The following BDP1 variants were observed in gnomAD, a reference collection of about 807,000 sequenced individuals.
BDP1 encodes transcription factor TFIIIB component B'' homolog.
BDP1 carries 169 observed loss-of-function variants against 266.6 expected under a neutral mutation model. The ratio of observed to expected loss-of-function variants is 0.63; its 90% CI spans 0.56 to 0.72. The LOEUF is 0.72. BDP1 is among the 30% of genes least tolerant of loss of function. BDP1 has a pLI of 0.00. For synonymous variants in BDP1, 1,090 were observed against 1,022.4 expected (o/e 1.07, Z -1.26); for missense variants, 3,015 against 3,053.8 (o/e 0.99, Z 0.30).
Position 71,510,428 on chromosome 5 carries a change from T to C in BDP1, c.3336T>C (p.Gly1112=). The change falls in exon 17 of 39, where the codon GGT becomes GGC. Residue 1112 remains glycine, a synonymous_variant. Transcript: ENST00000358731. ...ENGLEEVKPL[G]EMQTDLKATG... is the part of the protein sequence containing the mutation. ...GCCTAGAGGAGGTTAAGCCTCTAGG[T>C]GAAATGCAAACAGATTTGAAAGCAA... 1 of 1,612,686 alleles carries C rather than the reference T, an allele frequency of 6.2e-7. No homozygotes were observed. The highest frequency in any genetic ancestry group is 8.5e-7 in the Non-Finnish European group (1 of 1,179,750).
chr5:71,573,425 A>T, the BDP1 span, among the ~76,000 whole-genome samples: 1 of 152,150 alleles, frequency 6.6e-6, no homozygotes. Context: ...TCCTATTTCC[A>T]TAAGACCTGA....
chr5:71,496,730 G>A (rs1384028348), intron 12 of BDP1, among the ~76,000 whole-genome samples: 4 of 152,242 alleles, frequency 2.6e-5, no homozygotes, highest in African/African-American at 9.6e-5. Context: ...CTACAGGCAC[G>A]TGCCGCCATG....
intron 32 of BDP1, 114 bp downstream of exon 32, chr5:71,545,333 A>G (rs1742204760): frequency 5.8e-6 from 6 of 1,038,948 alleles, no homozygotes; most frequent in Non-Finnish European, 8.4e-6. Flanking sequence ...ATTTTTCTTT[A>G]TTTCTTCTTT....
At chr5:71,499,978 T>C (rs567116523) in intron 13 of BDP1, among the ~76,000 whole-genome samples, 82 of 152,318 alleles carry the variant, frequency 5.4e-4, no homozygotes, top group African/African-American at 1.9e-3. Flanking sequence ...CTGGTATGTC[T>C]GAGTCTCCTG....
In BDP1 at chr5:71,491,151, T is replaced by A. The variant is rs768408990; in HGVS notation, c.1640+20T>A. On this transcript the variant is annotated intron_variant, in intron 11 of 38. Coordinates refer to ENST00000358731, the MANE Select transcript of BDP1 (RefSeq NM_018429.3). ...ATTAAGGTATTTTCTGTGTCTTTTC[T>A]GGTTTTATCCACATCTGTTGATTAC... The A allele has an allele frequency of 6.2e-7, 1 of 1,611,388 alleles. No individual in the cohort carries two copies. Among genetic ancestry groups the A allele is most frequent in the African/African-American group, 1.3e-5 (1 of 74,868 alleles).
At chr5:71,563,682 G>A (rs1484246879) in intron 38 of BDP1, among the ~76,000 whole-genome samples, 3 of 152,220 alleles carry the variant, frequency 2.0e-5, no homozygotes, top group African/African-American at 7.2e-5. Flanking sequence ...GGAGGCCAAG[G>A]CGGGCAGATC....
chr5:71,565,011 TAATG>T lies in BDP1; in HGVS notation c.*128_*131del. 1.2e-6 allele frequency: 1 copy of T among 830,692 alleles called. No homozygotes were observed. Among genetic ancestry groups the T allele is most frequent in the Non-Finnish European group, 1.8e-6 (1 of 548,208 alleles). The allele number at this position is 830,692 out of a possible 1,614,324, so 51.5% of individuals were successfully genotyped here. ...TTTCTTTAGGTTGATTTTGAATACT[TAATG>T]AGCTTGATTTGAAGCTTTTATAATC... On this transcript the variant is annotated 3_prime_UTR_variant, in exon 39 of 39. Coordinates refer to ENST00000358731, the MANE Select transcript of BDP1 (RefSeq NM_018429.3).
In BDP1 at chr5:71,542,154, G is replaced by A. The variant is rs201347130; in HGVS notation, c.6301G>A (p.Ala2101Thr). ...TAATTTGAGAATAAGAAGTAGGCTTGCTAAGCCTAAACCAAATCTTGAGAA... is the reference window on the plus strand; with the variant it reads ...TAATTTGAGAATAAGAAGTAGGCTTACTAAGCCTAAACCAAATCTTGAGAA... The part of the protein sequence containing the change: ...TSNLRIRSRL[A>T]KPKPNLEKTL... Residue 2101 changes from alanine (A) to threonine (T), a missense_variant, in exon 30 of 39, where the codon GCT (alanine) becomes ACT (threonine). Around this residue, in one of 3 missense-constraint regions of BDP1, gnomAD observed 629 missense variants for 632.5 expected, o/e 0.99. Coordinates refer to ENST00000358731, the MANE Select transcript of BDP1 (RefSeq NM_018429.3). The A allele has an allele frequency of 3.6e-5, 58 of 1,611,708 alleles. No individual in the cohort carries two copies. The East Asian group carries it at 1.3e-3, about 36-fold the overall frequency.
chr5:71,491,077 G>A lies in BDP1; in HGVS notation c.1586G>A (p.Gly529Asp). The A allele has an allele frequency of 5.6e-6, 9 of 1,614,050 alleles. No homozygotes were observed. The highest frequency in any genetic ancestry group is 2.2e-5 in the East Asian group (1 of 44,858). Reference sequence around the variant, plus strand: ...ACACAAAACATAGATGGCATTGTGGGTTTTGCCTCCACTGAAAAAGTTGAG... The same window carrying A: ...ACACAAAACATAGATGGCATTGTGGATTTTGCCTCCACTGAAAAAGTTGAG... ...SCTQNIDGIV[G>D]FASTEKVEKR... The change falls in exon 11 of 39, where the codon GGT becomes GAT. Residue 529 changes from glycine (G) to aspartate (D), a missense_variant. Physicochemically the swap from Gly to Asp is moderately conservative, Grantham distance 94. Coordinates refer to ENST00000358731, the MANE Select transcript of BDP1 (RefSeq NM_018429.3).
At chr5:71,521,206 T>G (rs1226731959) in intron 22 of BDP1, among the ~76,000 whole-genome samples, 1 of 151,222 alleles carries the variant, frequency 6.6e-6, no homozygotes, top group African/African-American at 2.4e-5. Flanking sequence ...AAAAAAAGAT[T>G]AGTTTTTAAT....
intron 26 of BDP1, among the ~76,000 whole-genome samples, chr5:71,537,405 G>C (rs1196158080): frequency 6.6e-6 from 1 of 152,088 alleles, no homozygotes; most frequent in Non-Finnish European, 1.5e-5. Context: ...AATGGGATGA[G>C]GTGGGATTTC....
rs1743851159 is a variant in BDP1, at chr5:71,563,884, C to T, written c.7744-870C>T. On this transcript the variant is annotated intron_variant, in intron 38 of 38. Transcript: ENST00000358731. ...CTGAGATCATGCCATTGCATTCCAGCCTGGCTTTGTCTTAAAATAAATAAA... is the reference window on the plus strand; with the variant it reads ...CTGAGATCATGCCATTGCATTCCAGTCTGGCTTTGTCTTAAAATAAATAAA... 3.3e-5 allele frequency among the ~76,000 whole-genome samples: 5 copies of T among 152,270 alleles called. No individual in the cohort carries two copies. In the South Asian group the frequency reaches 1.0e-3, roughly 32 times the overall value.
At chr5:71,508,073 T>C (rs914378047) in intron 16 of BDP1, among the ~76,000 whole-genome samples, 29 of 151,390 alleles carry the variant, frequency 1.9e-4, no homozygotes, top group African/African-American at 7.0e-4. Flanking sequence ...CCAGCTATTT[T>C]CCTGCTTTAG....
chr5:71,510,489 G>A lies in BDP1; in HGVS notation c.3397G>A (p.Glu1133Lys), dbSNP rs374517452. 1 of 1,613,890 alleles carries A rather than the reference G, an allele frequency of 6.2e-7. No homozygotes were observed. The highest frequency in any genetic ancestry group is 1.3e-5 in the African/African-American group (1 of 74,990). The stretch of plus-strand genomic sequence containing the variant: ...GATTTCCCCAAGGGAGAAGACACCA[G>A]AGGTGATTGATGCCACTGAGGAAAT... ...REISPREKTPEVIDATEEIDK... is the reference protein window; with the variant it reads ...REISPREKTPKVIDATEEIDK... Residue 1133 changes from glutamate to lysine, a missense_variant, in exon 17 of 39, where the codon GAG becomes AAG. Coordinates refer to ENST00000358731, the MANE Select transcript of BDP1 (RefSeq NM_018429.3).
chr5:71,568,520 G>A (rs1309014708), downstream of BDP1, among the ~76,000 whole-genome samples: 1 of 152,152 alleles, frequency 6.6e-6, no homozygotes, highest in Non-Finnish European at 1.5e-5. Context: ...CCAGGCTGGA[G>A]TGTGGTGGCG....
chr5:71,476,345 A>T (rs922854059), intron 7 of BDP1: 1 of 152,306 alleles, frequency 6.6e-6, no homozygotes, highest in African/African-American at 2.4e-5. Flanking sequence ...AAAGGATATT[A>T]TAAGGGATAC....
At chr5:71,478,093 A>T (rs1762704660) in intron 7 of BDP1, among the ~76,000 whole-genome samples, 1 of 152,166 alleles carries the variant, frequency 6.6e-6, no homozygotes, top group Admixed American at 6.5e-5. Context: ...TCTACTAAAA[A>T]TACAAAATTA....
Position 71,501,605 on chromosome 5 carries a change from G to A in BDP1, c.2000G>A (p.Arg667Lys), listed in dbSNP as rs1279151172. The A allele has an allele frequency of 1.2e-6, 2 of 1,600,582 alleles. No individual in the cohort carries two copies. The highest frequency in any genetic ancestry group is 1.7e-5 in the Admixed American group (1 of 59,186). The change falls in exon 14 of 39, where the codon AGA (arginine) becomes AAA (lysine). Residue 667 changes from arginine to lysine, a missense_variant. Physicochemically the swap from Arg to Lys is conservative, Grantham distance 26 (BLOSUM62 2). Around this residue, in one of 3 missense-constraint regions of BDP1, gnomAD observed 2,383 missense variants for 2,404.9 expected, o/e 0.99. Transcript: ENST00000358731. ...KDKMNTLDIL[R>K]METTERENPE... ...AAAATGAATACATTGGACATTTTGA[G>A]AATGGAGACTACAGAGAGAGAGAAT...
intron 36 of BDP1, among the ~76,000 whole-genome samples, chr5:71,559,064 G>GAATTGCTT (rs1013723398): frequency 8.6e-5 from 13 of 151,574 alleles, no homozygotes; most frequent in African/African-American, 3.1e-4. Flanking sequence ...TGAGGTGAGT[G>GAATTGCTT]AATTGCTTGA....
Sources: gnomAD v4.1 joint callset for allele counts (sites outside exome capture counted in the v4.1 genomes callset) on GRCh38, gnomAD v4.1.1 for gene constraint, gnomAD v4.1.1 regional missense constraint, MANE v1.5 for transcripts, NCBI Gene and HGNC (gene_info 2026-07-23, HGNC 2026-07-21) for gene names.